PLEKHM3: variants seen among roughly 807,000 people sequenced by gnomAD.
PLEKHM3 encodes the protein pleckstrin homology domain-containing family M member 3.
A neutral mutation model predicts 81.8 loss-of-function variants in PLEKHM3; 45 were observed. The observed-to-expected ratio is 0.55, with a 90% CI of 0.43 to 0.71. The LOEUF (loss-of-function observed/expected upper bound fraction) is 0.71. Among genes scored for constraint, PLEKHM3 ranks in the 30% least tolerant of loss-of-function variants. The pLI is 0.00. For missense variants in PLEKHM3, 788 were observed against 924.3 expected (o/e 0.85, Z 1.91); for synonymous variants, 352 against 356.4 (o/e 0.99, Z 0.14).
chr2:207,861,216 A>C lies in PLEKHM3; in HGVS notation c.1997T>G (p.Phe666Cys). 1 of 1,614,148 alleles carries C rather than the reference A, an allele frequency of 6.2e-7. No homozygotes were observed. The highest frequency in any genetic ancestry group is 1.1e-5 in the South Asian group (1 of 91,076). ...LAPFLGKVIK[F>C]ATSHVYSCSL... ...GCAGCTGTACACGTGTGAGGTGGCA[A>C]ATTTAATGACCTTGCCCAAGAATGG... is the stretch of plus-strand genomic sequence containing the variant. Residue 666 changes from phenylalanine to cysteine, a missense_variant, in exon 7 of 8, where the codon TTT becomes TGT. Phe to Cys is a radical substitution (Grantham distance 205). Transcript: ENST00000427836.
chr2:207,889,826 CAG>C (rs1379675815), intron 6 of PLEKHM3, among the ~76,000 whole-genome samples: 15 of 152,002 alleles, frequency 9.9e-5, no homozygotes, highest in African/African-American at 3.4e-4. Context: ...TTTTTTGAGA[CAG>C]AGTCTCGCTC....
intron 3 of PLEKHM3, among the ~76,000 whole-genome samples, chr2:207,969,663 C>G (rs895795722): frequency 1.3e-5 from 2 of 152,180 alleles, no homozygotes; most frequent in Non-Finnish European, 2.9e-5. Flanking sequence ...GCATATATAA[C>G]TAGGAGCTAT....
At chr2:207,909,455 T>A (rs1416846388) in intron 5 of PLEKHM3, among the ~76,000 whole-genome samples, 1 of 152,232 alleles carries the variant, frequency 6.6e-6, no homozygotes, top group Non-Finnish European at 1.5e-5. Flanking sequence ...ATTTATCCAA[T>A]TCACATTTAT....
chr2:207,943,793 G>C (rs987860069), intron 4 of PLEKHM3, among the ~76,000 whole-genome samples: 1 of 147,710 alleles, frequency 6.8e-6, no homozygotes, highest in Admixed American at 6.8e-5. Context: ...GCGTGAACCC[G>C]GGAGGCGCAG....
At chr2:207,862,322 T>C (rs1355918493) in intron 6 of PLEKHM3, among the ~76,000 whole-genome samples, 1 of 152,262 alleles carries the variant, frequency 6.6e-6, no homozygotes, top group Non-Finnish European at 1.5e-5. Flanking sequence ...TATAGTTACA[T>C]TATAATTTTA....
chr2:207,839,444 TTTAAATAAAAGACC>T (rs2092337884), intron 7 of PLEKHM3, among the ~76,000 whole-genome samples: 1 of 152,208 alleles, frequency 6.6e-6, no homozygotes, highest in Admixed American at 6.5e-5. Context: ...GAGAAAGGCA[TTTAAATAAAAGACC>T]TAAAGTGTTT....
At chr2:207,979,753 A>C (rs967042674) in intron 2 of PLEKHM3, among the ~76,000 whole-genome samples, 1 of 151,862 alleles carries the variant, frequency 6.6e-6, no homozygotes, top group Non-Finnish European at 1.5e-5. Flanking sequence ...TCTGCTTTTG[A>C]CTAAAGAAAA....
At chr2:207,981,209 C>A (rs1475557865) in intron 2 of PLEKHM3, among the ~76,000 whole-genome samples, 1 of 151,884 alleles carries the variant, frequency 6.6e-6, no homozygotes, top group East Asian at 1.9e-4. Flanking sequence ...TCTGGAGTAT[C>A]CATTCCTCTC....
At chr2:207,935,488 TTTTCCAA>T (rs1689721323) in intron 4 of PLEKHM3, among the ~76,000 whole-genome samples, 1 of 152,208 alleles carries the variant, frequency 6.6e-6, no homozygotes, top group South Asian at 2.1e-4. Flanking sequence ...GGAGGGGCTC[TTTTCCAA>T]TTCCCATAAA....
At chr2:207,930,506 C>T (rs1046194351) in intron 5 of PLEKHM3, among the ~76,000 whole-genome samples, 1 of 151,612 alleles carries the variant, frequency 6.6e-6, no homozygotes, top group Non-Finnish European at 1.5e-5. Flanking sequence ...ATTGAAAATG[C>T]TTTTTAGTTA....
At chr2:207,918,706 A>C (rs1369597178) in intron 5 of PLEKHM3, among the ~76,000 whole-genome samples, 3 of 152,208 alleles carry the variant, frequency 2.0e-5, no homozygotes, top group African/African-American at 7.2e-5. Context: ...AAGAGAAAAA[A>C]TAAGTTTGGC....
rs973508215 is a variant in PLEKHM3 at position 207,823,638 on chromosome 2, A to G, written c.*4681T>C. ...TTTTTAGTATAGACCTGATTTCACC[A>G]TTTTTGGCCCGGCTGGTCTCAAACT... On this transcript the variant is annotated 3_prime_UTR_variant, in exon 8 of 8. Transcript: ENST00000427836. The G allele has an allele frequency of 1.3e-5, 2 of 151,820 alleles. No individual in the cohort carries two copies. The highest frequency in any genetic ancestry group is 2.4e-5 in the African/African-American group (1 of 41,334). The allele number at this position is 151,820 out of a possible 1,614,324, so 9.4% of individuals were successfully genotyped here. A position where few individuals can be genotyped will look rare whatever the true frequency, so the allele number is the denominator to read the frequency against.
At chr2:207,908,954 AGGGTG>A (rs1476656485) in intron 5 of PLEKHM3, among the ~76,000 whole-genome samples, 4 of 152,154 alleles carry the variant, frequency 2.6e-5, no homozygotes, top group South Asian at 2.1e-4. Context: ...CAGCAGAATG[AGGGTG>A]GTTTAATGTG....
intron 2 of PLEKHM3, among the ~76,000 whole-genome samples, chr2:207,986,805 G>C (rs1469535843): frequency 2.0e-5 from 3 of 151,380 alleles, no homozygotes; most frequent in Non-Finnish European, 4.4e-5. Context: ...TGAGTAGCTG[G>C]GACTACAGGC....
At chr2:207,952,430 AC>A (rs1309235043) in intron 3 of PLEKHM3, among the ~76,000 whole-genome samples, 1 of 152,218 alleles carries the variant, frequency 6.6e-6, no homozygotes, top group Non-Finnish European at 1.5e-5. Flanking sequence ...AGAAAAATAG[AC>A]ATGCAGGTTC....
At chr2:207,918,797 GCAGTGAATATAA>G (rs1559236364) in intron 5 of PLEKHM3, among the ~76,000 whole-genome samples, 1 of 152,154 alleles carries the variant, frequency 6.6e-6, no homozygotes, top group East Asian at 1.9e-4. Flanking sequence ...ATAGCTCTAA[GCAGTGAATATAA>G]CAGATAAAAA....
chr2:207,936,790 AG>A (rs1316200955), intron 4 of PLEKHM3, among the ~76,000 whole-genome samples: 2 of 152,132 alleles, frequency 1.3e-5, no homozygotes, highest in Non-Finnish European at 2.9e-5. Flanking sequence ...TGTCTATAAT[AG>A]CAAAAGACTG....
chr2:207,990,409 C>G (rs930222484), intron 2 of PLEKHM3, among the ~76,000 whole-genome samples: 7 of 152,268 alleles, frequency 4.6e-5, no homozygotes, highest in Admixed American at 3.3e-4. Context: ...AGCCTTTCCT[C>G]AATGAAGACT....
chr2:207,906,909 ATGAC>A (rs1688628494), intron 6 of PLEKHM3, among the ~76,000 whole-genome samples: 1 of 152,230 alleles, frequency 6.6e-6, no homozygotes, highest in Admixed American at 6.5e-5. Flanking sequence ...AGTCAGAAAA[ATGAC>A]TGAAGGATAT....
Sources: allele counts gnomAD v4.1 joint callset (sites outside exome capture counted in the v4.1 genomes callset), GRCh38; gene constraint gnomAD v4.1.1; transcripts MANE v1.5; gene names NCBI Gene and HGNC (gene_info 2026-07-23, HGNC 2026-07-21).